Variants in RNU2-2 observed in about 807,000 individuals in gnomAD.
RNU2-2 encodes the protein RNA, U2 small nuclear 2.
chr11:62,841,668 A>G, the RNU2-2 span: 7 of 152,348 alleles, frequency 4.6e-5, no homozygotes, highest in Non-Finnish European at 7.4e-5. Flanking sequence ...CGATGCGTGG[A>G]GTGGACGGAG....
the RNU2-2 span, chr11:62,841,621 A>C: frequency 6.6e-6 from 1 of 152,212 alleles, no homozygotes; most frequent in East Asian, 1.9e-4. Flanking sequence ...CCCCGAAGGG[A>C]GAGTGCACCG....
chr11:62,841,785 C>T, the RNU2-2 span: 10 of 152,318 alleles, frequency 6.6e-5, no homozygotes, highest in South Asian at 2.1e-4. Context: ...TACACTTGAT[C>T]TTAGCCAAAA....
At chr11:62,841,661 T>A in the RNU2-2 span, 3 of 152,240 alleles carry the variant, frequency 2.0e-5, no homozygotes, top group African/African-American at 4.8e-5. Flanking sequence ...ACCAGGTCGA[T>A]GCGTGGAGTG....
the RNU2-2 span, chr11:62,841,758 C>CTGAT: frequency 6.6e-6 from 1 of 152,210 alleles, no homozygotes; most frequent in African/African-American, 2.4e-5. Flanking sequence ...AGATATTAAA[C>CTGAT]TGATAAGAAC....
chr11:62,841,713 C>T, the RNU2-2 span: 14 of 152,286 alleles, frequency 9.2e-5, no homozygotes, highest in African/African-American at 1.4e-4. Flanking sequence ...TCCAAAAATC[C>T]ATTTAATATA....
the RNU2-2 span, chr11:62,841,741 A>G: frequency 1.6e-4 from 24 of 152,162 alleles, no homozygotes. Flanking sequence ...CGGATAGAGG[A>G]CGTATCAGAT....
chr11:62,841,626 G>GT, the RNU2-2 span: 6 of 152,226 alleles, frequency 3.9e-5, no homozygotes, highest in Non-Finnish European at 7.3e-5. Flanking sequence ...AAGGGAGAGT[G>GT]CACCGTTCCT....
chr11:62,841,808 A>T, the RNU2-2 span: 1 of 152,264 alleles, frequency 6.6e-6, no homozygotes, highest in African/African-American at 2.4e-5. Flanking sequence ...CCGAGAAGCG[A>T]TACCTTTACT....
chr11:62,841,707 A>C, the RNU2-2 span: 1 of 152,246 alleles, frequency 6.6e-6, no homozygotes, highest in Non-Finnish European at 1.5e-5. Flanking sequence ...CCTATTTCCA[A>C]AAATCCATTT....
At chr11:62,841,653 C>G in the RNU2-2 span, 11 of 152,218 alleles carry the variant, frequency 7.2e-5, no homozygotes, top group South Asian at 2.1e-4. Context: ...ACTGCAATAC[C>G]AGGTCGATGC....
the RNU2-2 span, chr11:62,841,670 T>A: frequency 2.0e-5 from 3 of 152,068 alleles, no homozygotes; most frequent in South Asian, 2.1e-4. Flanking sequence ...ATGCGTGGAG[T>A]GGACGGAGCA....
At chr11:62,841,762 T>C in the RNU2-2 span, 1 of 152,212 alleles carries the variant, frequency 6.6e-6, no homozygotes, top group African/African-American at 2.4e-5. Context: ...ATTAAACTGA[T>C]AAGAACAGAT....
the RNU2-2 span, chr11:62,841,649 A>G: frequency 4.6e-5 from 7 of 152,238 alleles, no homozygotes; most frequent in Non-Finnish European, 7.3e-5. Context: ...AAGTACTGCA[A>G]TACCAGGTCG....
chr11:62,841,661 T>C, the RNU2-2 span: 9 of 152,240 alleles, frequency 5.9e-5, no homozygotes, highest in East Asian at 1.9e-4. Flanking sequence ...ACCAGGTCGA[T>C]GCGTGGAGTG....
At chr11:62,841,746 T>A in the RNU2-2 span, 2 of 152,212 alleles carry the variant, frequency 1.3e-5, no homozygotes, top group African/African-American at 4.8e-5. Flanking sequence ...AGAGGACGTA[T>A]CAGATATTAA....
the RNU2-2 span, chr11:62,841,744 T>C: frequency 2.6e-5 from 4 of 152,236 alleles, no homozygotes; most frequent in Admixed American, 6.5e-5. Flanking sequence ...ATAGAGGACG[T>C]ATCAGATATT....
the RNU2-2 span, chr11:62,841,802 G>GC: frequency 2.0e-5 from 3 of 152,232 alleles, no homozygotes; most frequent in Non-Finnish European, 4.4e-5. Flanking sequence ...AAAAGGCCGA[G>GC]AAGCGATACC....
At chr11:62,841,632 T>A in the RNU2-2 span, 1 of 152,234 alleles carries the variant, frequency 6.6e-6, no homozygotes, top group Non-Finnish European at 1.5e-5. Flanking sequence ...GAGTGCACCG[T>A]TCCTGGAAGT....
At chr11:62,841,699 T>TA in the RNU2-2 span, 1 of 152,348 alleles carries the variant, frequency 6.6e-6, no homozygotes, top group Non-Finnish European at 1.5e-5. Flanking sequence ...TTCCATCTCC[T>TA]ATTTCCAAAA....
Sources: allele counts gnomAD v4.1 joint callset, GRCh38; gene constraint gnomAD v4.1.1; transcripts MANE v1.5; gene names NCBI Gene and HGNC (gene_info 2026-07-23, HGNC 2026-07-21).